CAP2: variants seen among roughly 807,000 people sequenced by gnomAD.
CAP2 encodes the protein cyclase associated actin cytoskeleton regulatory protein 2, also known as adenylyl cyclase-associated protein 2.
In CAP2, 24 loss-of-function variants were observed where a neutral mutation model predicts 57.7. The ratio of observed to expected loss-of-function variants is 0.42; its 90% confidence interval spans 0.30 to 0.58. The LOEUF (loss-of-function observed/expected upper bound fraction) is 0.58, where lower values mean the gene tolerates loss of function less well. Among genes scored for constraint, CAP2 ranks in the 20% least tolerant of loss-of-function variants. The pLI, the probability that CAP2 is intolerant of heterozygous loss-of-function variation, is 0.22. For missense variants in CAP2, 501 were observed against 590.3 expected (o/e 0.85, Z 1.57); for synonymous variants, 194 against 207.2 (o/e 0.94, Z 0.55).
intron 4 of CAP2, among the ~76,000 whole-genome samples, chr6:17,498,507 A>G (rs897717663): frequency 1.3e-5 from 2 of 152,268 alleles, no homozygotes; most frequent in East Asian, 3.9e-4. Context: ...GAACAATCTC[A>G]TGTCAAACTT....
intron 1 of CAP2, among the ~76,000 whole-genome samples, chr6:17,418,484 A>G (rs1206423857): frequency 6.6e-6 from 1 of 152,078 alleles, no homozygotes; most frequent in Non-Finnish European, 1.5e-5. Context: ...TTGTCTTTCA[A>G]CATACGGAGC....
chr6:17,400,402 G>A (rs1310000853), intron 1 of CAP2, among the ~76,000 whole-genome samples: 1 of 152,204 alleles, frequency 6.6e-6, no homozygotes, highest in Admixed American at 6.5e-5. Context: ...TATGTTGAGT[G>A]ACTGCTATAT....
chr6:17,463,144 C>A, intron 4 of CAP2, 71 bp downstream of exon 4: 1 of 1,081,302 alleles, frequency 9.2e-7, no homozygotes, highest in Non-Finnish European at 1.4e-6. Flanking sequence ...AAGGAGGCAA[C>A]AGAAGCATTT....
At chr6:17,430,561 C>T (rs1759701124) in intron 3 of CAP2, among the ~76,000 whole-genome samples, 2 of 145,300 alleles carry the variant, frequency 1.4e-5, no homozygotes, top group Admixed American at 1.4e-4. Flanking sequence ...TTTTTCGAGA[C>T]AGAGTCTTGC....
intron 1 of CAP2, among the ~76,000 whole-genome samples, chr6:17,396,598 A>G (rs1581481023): frequency 6.6e-6 from 1 of 152,196 alleles, no homozygotes; most frequent in East Asian, 1.9e-4. Flanking sequence ...AGACCAAGGA[A>G]ATGTATACAG....
chr6:17,535,656 A>G (rs1472198264), intron 7 of CAP2, among the ~76,000 whole-genome samples: 1 of 152,142 alleles, frequency 6.6e-6, no homozygotes, highest in Non-Finnish European at 1.5e-5. Flanking sequence ...ATGTGATTCA[A>G]TAATGTCTTT....
chr6:17,460,010 A>C (rs1760680057), intron 3 of CAP2, among the ~76,000 whole-genome samples: 1 of 152,228 alleles, frequency 6.6e-6, no homozygotes, highest in African/African-American at 2.4e-5. Flanking sequence ...GAAATATACT[A>C]TGGAATGTTC....
chr6:17,441,546 A>C (rs9370989), intron 3 of CAP2, among the ~76,000 whole-genome samples: 98,167 of 151,430 alleles, frequency 0.65, 33,743 homozygotes, highest in African/African-American at 0.87. Flanking sequence ...TGCAGTAGCA[A>C]GATCAAGGCT....
At chr6:17,402,263 C>T (rs1368506036) in intron 1 of CAP2, among the ~76,000 whole-genome samples, 1 of 152,222 alleles carries the variant, frequency 6.6e-6, no homozygotes, top group African/African-American at 2.4e-5. Context: ...ATGTCTACCC[C>T]ATTTTCCTAA....
In CAP2 at chr6:17,487,452, GGTTTGTTT is replaced by G. The variant is rs71819597; in HGVS notation, c.301-19692_301-19685del. Among the ~76,000 whole-genome samples, 68 of 151,420 alleles carry G rather than the reference GGTTTGTTT, an allele frequency of 4.5e-4. No individual in the cohort carries two copies. In the East Asian group the frequency reaches 8.1e-3, roughly 18 times the overall value. On this transcript the variant is annotated intron_variant, in intron 4 of 12. Transcript: ENST00000229922. ...TCATCACCCAGAATGCCACCAGGTG[GGTTTGTTT>G]GTTTGTTTGTTTGTTTGTTTGTTTT...
chr6:17,526,120 CTT>C (rs1372740605), intron 7 of CAP2, among the ~76,000 whole-genome samples: 17 of 142,138 alleles, frequency 1.2e-4, no homozygotes, highest in Non-Finnish European at 1.7e-4. Context: ...GAAAATGTGT[CTT>C]TTTTTTTTTT....
chr6:17,455,131 C>G (rs930384854), intron 3 of CAP2, among the ~76,000 whole-genome samples: 4 of 152,072 alleles, frequency 2.6e-5, no homozygotes, highest in Admixed American at 6.6e-5. Flanking sequence ...CAAGGAACGG[C>G]AATCTCCCAA....
chr6:17,448,432 TA>T (rs1760318071), intron 3 of CAP2, among the ~76,000 whole-genome samples: 1 of 152,260 alleles, frequency 6.6e-6, no homozygotes, highest in Non-Finnish European at 1.5e-5. Context: ...AAATGCAGTT[TA>T]TTCAGGAGAA....
chr6:17,530,336 C>T (rs1762611883), intron 7 of CAP2, among the ~76,000 whole-genome samples: 2 of 152,152 alleles, frequency 1.3e-5, no homozygotes, highest in African/African-American at 4.8e-5. Context: ...CCACCTCAGC[C>T]TCCCAAAGTA....
At chr6:17,461,467 T>G (rs1040584037) in intron 3 of CAP2, among the ~76,000 whole-genome samples, 5 of 151,904 alleles carry the variant, frequency 3.3e-5, no homozygotes. Context: ...CCTCAGGTGA[T>G]CCACCCACTT....
intron 4 of CAP2, among the ~76,000 whole-genome samples, chr6:17,474,987 G>T (rs1219618836): frequency 6.6e-6 from 1 of 152,052 alleles, no homozygotes; most frequent in Non-Finnish European, 1.5e-5. Flanking sequence ...ACAAGGTCAG[G>T]AGTTTGAGAC....
At chr6:17,462,943 A>G in intron 3 of CAP2, 53 bp from the exon 4 acceptor site, 2 of 1,409,574 alleles carry the variant, frequency 1.4e-6, no homozygotes, top group African/African-American at 1.4e-5. Flanking sequence ...ATTATATGGT[A>G]ACAATTTTTA....
chr6:17,470,542 G>C (rs1040031905), intron 4 of CAP2, among the ~76,000 whole-genome samples: 1 of 152,136 alleles, frequency 6.6e-6, no homozygotes, highest in African/African-American at 2.4e-5. Flanking sequence ...TCAGGGTCCA[G>C]GCTTCTTCCA....
chr6:17,453,156 G>A (rs1760460099), intron 3 of CAP2, among the ~76,000 whole-genome samples: 1 of 152,190 alleles, frequency 6.6e-6, no homozygotes, highest in African/African-American at 2.4e-5. Context: ...TTGTGTGGCA[G>A]GCAATGGGCA....
Sources: allele counts gnomAD v4.1 joint callset (sites outside exome capture counted in the v4.1 genomes callset), GRCh38; gene constraint gnomAD v4.1.1; transcripts MANE v1.5; gene names NCBI Gene and HGNC (gene_info 2026-07-23, HGNC 2026-07-21).